Variants in VPS45 observed in about 807,000 individuals in gnomAD.
The protein encoded by VPS45 is vacuolar protein sorting-associated protein 45.
VPS45 carries 35 observed loss-of-function variants against 75.9 expected under a neutral mutation model. That is an observed-to-expected ratio of 0.46 (90% CI 0.35 to 0.61). The LOEUF is 0.61. Among genes scored for constraint, VPS45 ranks in the 20% least tolerant of loss-of-function variants. VPS45 has a pLI of 0.00. For missense variants in VPS45, 559 were observed against 685.9 expected (o/e 0.81, Z 2.07); for synonymous variants, 220 against 238.2 (o/e 0.92, Z 0.70).
At chr1:150,115,539 C>T (rs1553808132) in intron 14 of VPS45, among the ~76,000 whole-genome samples, 1 of 152,142 alleles carries the variant, frequency 6.6e-6, no homozygotes, top group African/African-American at 2.4e-5. Flanking sequence ...TGAAGCATTT[C>T]TGCATGTGTT....
chr1:150,093,538 T>C lies in VPS45; in HGVS notation c.1383T>C (p.Asn461=). 1 of 1,612,778 alleles carries C rather than the reference T, an allele frequency of 6.2e-7. No individual in the cohort carries two copies. The highest frequency in any genetic ancestry group is 8.5e-7 in the Non-Finnish European group (1 of 1,179,484). The change falls in exon 13 of 15, where the codon AAT becomes AAC. Residue 461 remains asparagine, a synonymous_variant. Coordinates refer to ENST00000644510, the MANE Select transcript of VPS45 (RefSeq NM_007259.5). ...QFLKGLKGVE[N]VYTQHQPFLH... ...TTCCCCTGTTTTAGGGAGTAGAAAA[T>C]GTATATACACAGCATCAACCTTTCC...
chr1:150,082,397 T>A (rs1159665863), intron 9 of VPS45, among the ~76,000 whole-genome samples: 1 of 151,366 alleles, frequency 6.6e-6, no homozygotes, highest in Non-Finnish European at 1.5e-5. Context: ...TCCCAGCTAC[T>A]CGGGAGGCTG....
At chr1:150,119,144 A>C (rs1658099027) in intron 14 of VPS45, among the ~76,000 whole-genome samples, 1 of 152,236 alleles carries the variant, frequency 6.6e-6, no homozygotes. Context: ...TGAAAGCAAT[A>C]GTTTCACCTT....
chr1:150,076,848 T>A (rs1553798181), intron 4 of VPS45, 68 bp from the exon 5 acceptor site: 3 of 1,570,330 alleles, frequency 1.9e-6, no homozygotes, highest in Non-Finnish European at 2.6e-6. Flanking sequence ...TTATATCACT[T>A]ATGAAAATAT....
intron 14 of VPS45, among the ~76,000 whole-genome samples, chr1:150,114,822 G>GA (rs1553807929): frequency 6.7e-6 from 1 of 149,750 alleles, no homozygotes; most frequent in African/African-American, 2.5e-5. Flanking sequence ...GAGGTGGGAA[G>GA]ATCACAAGCC....
chr1:150,117,212 A>AAATAATAAT (rs369167281), intron 14 of VPS45, among the ~76,000 whole-genome samples: 4 of 150,436 alleles, frequency 2.7e-5, no homozygotes, highest in African/African-American at 9.8e-5. Context: ...AAAAATAATA[A>AAATAATAAT]AATAATAATA....
chr1:150,083,887 A>G (rs1374039744), intron 10 of VPS45, among the ~76,000 whole-genome samples: 1 of 152,076 alleles, frequency 6.6e-6, no homozygotes, highest in African/African-American at 2.4e-5. Context: ...GAATAGCAAC[A>G]TAATCAGACT....
chr1:150,112,952 A>G (rs1382470512), intron 14 of VPS45, among the ~76,000 whole-genome samples: 1 of 152,176 alleles, frequency 6.6e-6, no homozygotes, highest in Non-Finnish European at 1.5e-5. Flanking sequence ...TGCCTGCTCT[A>G]GGAACACCCA....
intron 14 of VPS45, among the ~76,000 whole-genome samples, chr1:150,116,922 G>A (rs781934408): frequency 1.3e-5 from 2 of 152,094 alleles, no homozygotes; most frequent in East Asian, 1.9e-4. Flanking sequence ...AAAAAAATAG[G>A]CCAGGTGCAG....
intron 14 of VPS45, among the ~76,000 whole-genome samples, chr1:150,137,088 C>T (rs782059616): frequency 3.3e-5 from 5 of 152,008 alleles, no homozygotes; most frequent in Admixed American, 6.6e-5. Flanking sequence ...TTTGTAGAGA[C>T]GGGGATTCAC....
intron 13 of VPS45, among the ~76,000 whole-genome samples, chr1:150,100,526 G>A (rs1553804022): frequency 6.6e-6 from 1 of 152,022 alleles, no homozygotes; most frequent in African/African-American, 2.4e-5. Context: ...AATAGCCAAG[G>A]CAATCCTAAG....
At chr1:150,101,910 A>G (rs1210221200) in intron 13 of VPS45, among the ~76,000 whole-genome samples, 1 of 152,062 alleles carries the variant, frequency 6.6e-6, no homozygotes. Flanking sequence ...ATTACTGGGT[A>G]TATACCCAGA....
intron 14 of VPS45, among the ~76,000 whole-genome samples, chr1:150,112,121 T>C (rs587630878): frequency 1.7e-3 from 262 of 152,312 alleles, no homozygotes; most frequent in African/African-American, 6.1e-3. Context: ...CTAGTTCATA[T>C]TCTTTGCCCA....
At chr1:150,129,103 C>G (rs953566957) in intron 14 of VPS45, among the ~76,000 whole-genome samples, 2 of 152,136 alleles carry the variant, frequency 1.3e-5, no homozygotes, top group Non-Finnish European at 2.9e-5. Context: ...TGGAGTGTGT[C>G]GCCTGTCACT....
At chr1:150,138,927 A>G (rs776013871) in intron 14 of VPS45, among the ~76,000 whole-genome samples, 6 of 151,908 alleles carry the variant, frequency 3.9e-5, no homozygotes, top group Non-Finnish European at 7.4e-5. Flanking sequence ...ATTTTCTTGA[A>G]TCTCCTCTTT....
intron 12 of VPS45, among the ~76,000 whole-genome samples, chr1:150,093,129 A>G (rs1656434164): frequency 6.6e-6 from 1 of 152,000 alleles, no homozygotes; most frequent in Non-Finnish European, 1.5e-5. Flanking sequence ...TACAGGCGTG[A>G]GCCACCGCGC....
intron 2 of VPS45, 169 bp downstream of exon 2, chr1:150,068,933 G>C: frequency 1.4e-6 from 1 of 708,012 alleles, no homozygotes; most frequent in Non-Finnish European, 2.1e-6. Context: ...CCATATTTCA[G>C]TTGACCCCTT....
At chr1:150,074,016 G>GT (rs587695099) in intron 3 of VPS45, among the ~76,000 whole-genome samples, 142,201 of 147,378 alleles carry the variant, frequency 0.96, 68,769 homozygotes, top group East Asian at 1. Flanking sequence ...TGTTGTTTTT[G>GT]TTTTTTTTTT....
intron 3 of VPS45, among the ~76,000 whole-genome samples, chr1:150,075,120 G>A (rs1306568166): frequency 8.2e-6 from 1 of 122,506 alleles, no homozygotes; most frequent in Non-Finnish European, 1.6e-5. Flanking sequence ...ACCATTCAGC[G>A]TTCAAATTTA....
Sources: allele counts gnomAD v4.1 joint callset (sites outside exome capture counted in the v4.1 genomes callset), GRCh38; gene constraint gnomAD v4.1.1; transcripts MANE v1.5; gene names NCBI Gene and HGNC (gene_info 2026-07-23, HGNC 2026-07-21).